The following CEP128 variants were observed in gnomAD, a reference collection of about 807,000 sequenced individuals.
The protein encoded by CEP128 is centrosomal protein 128.
Under a neutral mutation model 156.7 loss-of-function variants are expected in CEP128, and 132 were observed. That is an observed-to-expected ratio of 0.84 (90% confidence interval 0.73 to 0.97). CEP128 has a LOEUF of 0.97. Ranked by LOEUF, CEP128 falls within the 50% of genes least tolerant of loss-of-function variation. The pLI, the probability that CEP128 is intolerant of heterozygous loss-of-function variation, is 0.00. For synonymous variants in CEP128, 469 were observed against 448.9 expected, an observed-to-expected ratio of 1.04 and a Z score of -0.57; for missense variants, 1,252 against 1,281.9, an observed-to-expected ratio of 0.98 and a Z score of 0.36.
intron 19 of CEP128, among the ~76,000 whole-genome samples, chr14:80,660,631 A>G (rs917675238): frequency 7.9e-5 from 12 of 152,214 alleles, no homozygotes; most frequent in African/African-American, 2.9e-4. Flanking sequence ...AACATTGATT[A>G]CATATGATTT....
chr14:80,482,656 C>G (rs1887079519), intron 14 of CEP128, among the ~76,000 whole-genome samples: 1 of 152,164 alleles, frequency 6.6e-6, no homozygotes, highest in South Asian at 2.1e-4. Context: ...CACTGCATCA[C>G]CAGACATATC....
Position 80,905,359 on chromosome 14 carries a change from T to G in CEP128, c.362-428A>C, listed in dbSNP as rs568043331. 35 of 156,340 alleles carry G rather than the reference T, an allele frequency of 2.2e-4. 1 individual carries two copies. Among genetic ancestry groups the G allele is most frequent in the Non-Finnish European group, 4.4e-4 (31 of 70,684 alleles). 9.7% of individuals were successfully genotyped at this position (156,340 alleles called of 1,614,324 possible). Reference sequence around the variant, plus strand: ...ACTACATGAAAAAATAGTGCCCAATTTTTAATCATTGTTACCATAATCAAC... The same window carrying G: ...ACTACATGAAAAAATAGTGCCCAATGTTTAATCATTGTTACCATAATCAAC... On this transcript the variant is annotated intron_variant, in intron 5 of 24. Coordinates refer to ENST00000555265, the MANE Select transcript of CEP128 (RefSeq NM_152446.5).
intron 13 of CEP128, among the ~76,000 whole-genome samples, chr14:80,824,918 C>T (rs1371797049): frequency 2.0e-5 from 3 of 152,174 alleles, no homozygotes; most frequent in Admixed American, 6.5e-5. Flanking sequence ...GATAAAGACA[C>T]ACCCGAGACT....
intron 21 of CEP128, among the ~76,000 whole-genome samples, chr14:80,545,624 C>T (rs774570062): frequency 6.6e-6 from 1 of 152,042 alleles, no homozygotes; most frequent in Non-Finnish European, 1.5e-5. Flanking sequence ...GATCCTTGGA[C>T]AGTTATGGAA....
At chr14:80,622,139 C>T (rs750906947) in intron 19 of CEP128, among the ~76,000 whole-genome samples, 5 of 152,108 alleles carry the variant, frequency 3.3e-5, no homozygotes, top group Admixed American at 6.6e-5. Context: ...GATAGGCTTT[C>T]TGGAGCTGTT....
chr14:80,575,690 A>G (rs1477543199), intron 20 of CEP128, among the ~76,000 whole-genome samples: 1 of 152,188 alleles, frequency 6.6e-6, no homozygotes, highest in East Asian at 1.9e-4. Context: ...CCTGTCAGGC[A>G]CCAAAGTTTT....
intron 19 of CEP128, among the ~76,000 whole-genome samples, chr14:80,610,776 A>G (rs1472423316): frequency 1.3e-5 from 2 of 152,178 alleles, no homozygotes; most frequent in Non-Finnish European, 2.9e-5. Flanking sequence ...AACTGAAGGC[A>G]TCTTAAATTT....
At chr14:80,941,181 TA>T (rs540915858) in intron 1 of CEP128, among the ~76,000 whole-genome samples, 13 of 149,912 alleles carry the variant, frequency 8.7e-5, no homozygotes, top group African/African-American at 2.0e-4. Flanking sequence ...AAACAGGTAT[TA>T]AAAAAAAAAT....
Position 80,642,565 on chromosome 14 carries a change from C to T in CEP128, c.2807-62142G>A, listed in dbSNP as rs140613853. Among the ~76,000 whole-genome samples the T allele has an allele frequency of 1.9e-3, 294 of 152,078 alleles. 1 individual carries two copies. Among genetic ancestry groups the T allele is most frequent in the Non-Finnish European group, 3.1e-3 (212 of 67,996 alleles). Reference sequence around the variant, plus strand: ...AGGCATAGGGGTGCATGCTTGTGGTCCCAACTGTTTGGGAGGCTGAGGCAA... The same window carrying T: ...AGGCATAGGGGTGCATGCTTGTGGTTCCAACTGTTTGGGAGGCTGAGGCAA... On this transcript the variant is annotated intron_variant, in intron 19 of 24. Coordinates refer to ENST00000555265, the MANE Select transcript of CEP128 (RefSeq NM_152446.5).
intron 23 of CEP128, among the ~76,000 whole-genome samples, chr14:80,519,796 A>G (rs1184563095): frequency 6.6e-6 from 1 of 152,000 alleles, no homozygotes. Flanking sequence ...TTTTCCATCT[A>G]CCCATCCAAA....
intron 2 of CEP128, among the ~76,000 whole-genome samples, chr14:80,933,974 G>A (rs1416038758): frequency 6.6e-6 from 1 of 152,164 alleles, no homozygotes; most frequent in Admixed American, 6.5e-5. Flanking sequence ...TGATGCCAGG[G>A]AGGTCCGATA....
chr14:80,595,173 G>T (rs1595062293), intron 19 of CEP128, among the ~76,000 whole-genome samples: 1 of 152,192 alleles, frequency 6.6e-6, no homozygotes, highest in Non-Finnish European at 1.5e-5. Context: ...TCTTTGCAGG[G>T]ACATGGATGA....
At chr14:80,848,159 A>G (rs1886701181) in intron 9 of CEP128, among the ~76,000 whole-genome samples, 1 of 152,174 alleles carries the variant, frequency 6.6e-6, no homozygotes, top group Non-Finnish European at 1.5e-5. Flanking sequence ...GGAGTGAAGG[A>G]GTGTTTTATC....
chr14:80,694,151 G>GA (rs1255870771), intron 19 of CEP128, among the ~76,000 whole-genome samples: 1 of 152,072 alleles, frequency 6.6e-6, no homozygotes, highest in Non-Finnish European at 1.5e-5. Context: ...ACAAACATAT[G>GA]AAAAAAAGCT....
At chr14:80,802,827 G>A (rs1000543947) in intron 13 of CEP128, among the ~76,000 whole-genome samples, 1 of 152,060 alleles carries the variant, frequency 6.6e-6, no homozygotes, top group African/African-American at 2.4e-5. Context: ...CTAACACTAG[G>A]ATATTAAATA....
intron 21 of CEP128, among the ~76,000 whole-genome samples, chr14:80,551,879 C>G (rs1400460652): frequency 6.6e-6 from 1 of 152,096 alleles, no homozygotes; most frequent in African/African-American, 2.4e-5. Flanking sequence ...CTAAGAAGGA[C>G]AAGAAGCCTT....
intron 5 of CEP128, 35 bp from the exon 6 acceptor site, chr14:80,904,966 T>C (rs1409637227): frequency 8.5e-7 from 1 of 1,178,322 alleles, no homozygotes; most frequent in Non-Finnish European, 1.3e-6. Context: ...GGTATTAAAA[T>C]ACTGCATGAG....
chr14:80,711,295 T>TTG (rs138953286), intron 19 of CEP128, among the ~76,000 whole-genome samples: 25,731 of 145,662 alleles, frequency 0.18, 2,238 homozygotes, highest in Non-Finnish European at 0.21. Flanking sequence ...TAAGACTATG[T>TTG]TGTGTGTGTG....
At chr14:80,523,014 T>C (rs1303841035) in intron 23 of CEP128, among the ~76,000 whole-genome samples, 2 of 152,234 alleles carry the variant, frequency 1.3e-5, no homozygotes, top group African/African-American at 4.8e-5. Context: ...TGATCCTTTT[T>C]GTCCTGGTGA....
Sources: gnomAD v4.1 joint callset for allele counts (sites outside exome capture counted in the v4.1 genomes callset) on GRCh38, gnomAD v4.1.1 for gene constraint, MANE v1.5 for transcripts, NCBI Gene and HGNC (gene_info 2026-07-23, HGNC 2026-07-21) for gene names.